APOC1: variants seen among roughly 807,000 people sequenced by gnomAD.
APOC1 encodes the protein apolipoprotein C1, also known as apolipoprotein C-I.
A neutral mutation model predicts 6.7 loss-of-function variants in APOC1; 4 were observed. The ratio of observed to expected loss-of-function variants is 0.60; its 90% confidence interval spans 0.29 to 1.37. The LOEUF (loss-of-function observed/expected upper bound fraction) is 1.37. Ranked by LOEUF, APOC1 falls within the 40% of genes most tolerant of loss-of-function variation. The probability of loss-of-function intolerance (pLI) is 0.09; values close to 1 mark genes in which losing one functional copy is unlikely to be tolerated. For missense variants in APOC1, 122 were observed against 99.4 expected (o/e 1.23, Z -0.97); for synonymous variants, 33 against 40.6 (o/e 0.81, Z 0.72).
At chr19:44,917,083 G>A (rs1970023631) in intron 3 of APOC1, among the ~76,000 whole-genome samples, 1 of 152,140 alleles carries the variant, frequency 6.6e-6, no homozygotes, top group African/African-American at 2.4e-5. Flanking sequence ...TCTTGACAGA[G>A]GGGCATTACT....
At chr19:44,915,262 G>A in intron 2 of APOC1, 1 of 372,620 alleles carries the variant, frequency 2.7e-6, no homozygotes, top group Non-Finnish European at 5.0e-6. Context: ...GCTGAGTAAG[G>A]CAATTCCCAG....
At chr19:44,915,918 G>A (rs930147099) in intron 2 of APOC1, among the ~76,000 whole-genome samples, 4 of 151,674 alleles carry the variant, frequency 2.6e-5, no homozygotes, top group South Asian at 2.1e-4. Flanking sequence ...GCAGTGAGCC[G>A]AGATCATACC....
chr19:44,914,808 T>C (rs1302958414), intron 1 of APOC1, 64 bp from the exon 2 acceptor site: 3 of 1,379,298 alleles, frequency 2.2e-6, no homozygotes, highest in Non-Finnish European at 3.1e-6. Flanking sequence ...GAGGGGATCG[T>C]GGGAGGGAGG....
intron 3 of APOC1, among the ~76,000 whole-genome samples, chr19:44,917,258 A>G (rs1970026185): frequency 6.6e-6 from 1 of 152,156 alleles, no homozygotes; most frequent in African/African-American, 2.4e-5. Flanking sequence ...ATATTTACTG[A>G]GCATCTGCTA....
At chr19:44,919,015 G>A (rs1970056276) in intron 3 of APOC1, 158 bp from the exon 4 acceptor site, 1 of 698,374 alleles carries the variant, frequency 1.4e-6, no homozygotes, top group South Asian at 1.8e-5. Context: ...CTGAGGCACA[G>A]AAGTTGGCCC....
At chr19:44,918,337 CTTTTTTTT>C (rs1200008263) in intron 3 of APOC1, among the ~76,000 whole-genome samples, 7 of 90,348 alleles carry the variant, frequency 7.7e-5, no homozygotes, top group Admixed American at 4.5e-4. Flanking sequence ...TGAAGTGTTT[CTTTTTTTT>C]TTTTTTTTTT....
chr19:44,916,517 A>G, intron 3 of APOC1, 192 bp downstream of exon 3: 2 of 734,272 alleles, frequency 2.7e-6, no homozygotes, highest in Non-Finnish European at 4.3e-6. Context: ...TCCAGGCCAT[A>G]TTTTAAAAGA....
Position 44,916,231 on chromosome 19 carries a change from T to G in APOC1, c.100T>G (p.Leu34Val). Residue 34 changes from leucine (L) to valine (V), a missense_variant, in exon 3 of 4, where the codon TTG (leucine) becomes GTG (valine). Physicochemically the swap from Leu to Val is conservative, Grantham distance 32 (BLOSUM62 1). Coordinates refer to ENST00000592535, the MANE Select transcript of APOC1 (RefSeq NM_001645.5). The stretch of plus-strand genomic sequence containing the variant: ...GGGGACCCCAGACGTCTCCAGTGCC[T>G]TGGATAAGCTGAAGGAGTTTGGAAA... ...AQGTPDVSSA[L>V]DKLKEFGNTL... The G allele has an allele frequency of 6.2e-7, 1 of 1,610,086 alleles. No individual in the cohort carries two copies. Among genetic ancestry groups the G allele is most frequent in the Non-Finnish European group, 8.5e-7 (1 of 1,178,416 alleles).
chr19:44,917,938 C>T (rs1970037193), intron 3 of APOC1, among the ~76,000 whole-genome samples: 1 of 151,410 alleles, frequency 6.6e-6, no homozygotes, highest in Admixed American at 6.6e-5. Context: ...CATGCCACTG[C>T]ACTCCAGCCT....
intron 2 of APOC1, 134 bp downstream of exon 2, chr19:44,915,083 C>T: frequency 3.3e-6 from 3 of 920,746 alleles, no homozygotes; most frequent in Non-Finnish European, 3.4e-6. Flanking sequence ...TCATCGTGGT[C>T]GGGTGGGTCT....
At chr19:44,915,024 C>T in intron 2 of APOC1, 75 bp downstream of exon 2, 9 of 1,452,380 alleles carry the variant, frequency 6.2e-6, no homozygotes, top group Non-Finnish European at 8.6e-6. Context: ...GGGGTCCCGG[C>T]TTAGAGGACC....
upstream of APOC1, chr19:44,914,357 T>C (rs577690903): frequency 6.6e-5 from 10 of 150,868 alleles, no homozygotes; most frequent in African/African-American, 2.5e-4. Context: ...ATCTTGCCCA[T>C]TCCCCGAACG....
At chr19:44,917,620 A>G (rs1233185274) in intron 3 of APOC1, among the ~76,000 whole-genome samples, 1 of 140,712 alleles carries the variant, frequency 7.1e-6, no homozygotes, top group East Asian at 2.5e-4. Flanking sequence ...GAAAAGAAAG[A>G]CAGGGAGGGA....
At chr19:44,914,478 GA>G (rs772164834), upstream of APOC1, 1 of 193,684 alleles carries the variant, frequency 5.2e-6, no homozygotes, top group Non-Finnish European at 1.1e-5. Flanking sequence ...ACAGAGTCAG[GA>G]AGATTGAGAG....
In APOC1 at chr19:44,916,837, A is replaced by T. The variant is rs149642790; in HGVS notation, c.194+512A>T. ...AAAAAAAAAAAAAAAAAAAAAAAAC[A>T]AGATGGTCTTGCCCAGGTATGGTGG... is the stretch of plus-strand genomic sequence containing the variant. On this transcript the variant is annotated intron_variant, in intron 3 of 3. Coordinates refer to ENST00000592535, the MANE Select transcript of APOC1 (RefSeq NM_001645.5). Among the ~76,000 whole-genome samples the T allele has an allele frequency of 3.9e-3, 552 of 140,196 alleles. 1 individual carries two copies. Among genetic ancestry groups the T allele is most frequent in the African/African-American group, 0.013 (486 of 38,678 alleles). The allele number at this position is 140,196 out of a possible 152,430, so 92.0% of individuals were successfully genotyped here. A position where few individuals can be genotyped will look rare whatever the true frequency, so the allele number is the denominator to read the frequency against.
At chr19:44,915,176 C>T (rs1408120190) in intron 2 of APOC1, 2 of 583,120 alleles carry the variant, frequency 3.4e-6, no homozygotes, top group East Asian at 2.9e-5. Flanking sequence ...GAGGCCCACA[C>T]CTCTGGGATT....
Position 44,916,245 on chromosome 19 carries a change from G to A in APOC1, c.114G>A (p.Lys38=). The A allele has an allele frequency of 6.2e-7, 1 of 1,613,306 alleles. No homozygotes were observed. The highest frequency in any genetic ancestry group is 8.5e-7 in the Non-Finnish European group (1 of 1,179,800). ...TCTCCAGTGCCTTGGATAAGCTGAAGGAGTTTGGAAACACACTGGAGGACA... is the reference window on the plus strand; with the variant it reads ...TCTCCAGTGCCTTGGATAAGCTGAAAGAGTTTGGAAACACACTGGAGGACA... The part of the protein sequence containing the change: ...PDVSSALDKL[K]EFGNTLEDKA... The change falls in exon 3 of 4, where the codon AAG becomes AAA. Residue 38 remains lysine, a synonymous_variant. Transcript: ENST00000592535.
At chr19:44,915,619 A>T (rs997073990) in intron 2 of APOC1, among the ~76,000 whole-genome samples, 1 of 149,066 alleles carries the variant, frequency 6.7e-6, no homozygotes, top group African/African-American at 2.5e-5. Context: ...TTCTAACCAC[A>T]TGATCCCCAA....
At chr19:44,915,671 A>G (rs1374006594) in intron 2 of APOC1, among the ~76,000 whole-genome samples, 1 of 150,786 alleles carries the variant, frequency 6.6e-6, no homozygotes, top group African/African-American at 2.4e-5. Context: ...AGGGGGTTCC[A>G]ATAACAAATT....
Sources: allele counts gnomAD v4.1 joint callset (sites outside exome capture counted in the v4.1 genomes callset), GRCh38; gene constraint gnomAD v4.1.1; transcripts MANE v1.5; gene names NCBI Gene and HGNC (gene_info 2026-07-23, HGNC 2026-07-21).